MRTFA: variants seen among roughly 807,000 people sequenced by gnomAD.
MRTFA encodes the protein myocardin-related transcription factor A.
In MRTFA, 20 loss-of-function variants were observed where a neutral mutation model predicts 83.5. The observed-to-expected ratio is 0.24, with a 90% CI of 0.17 to 0.35. MRTFA has a LOEUF of 0.35. Among genes scored for constraint, MRTFA ranks in the 10% least tolerant of loss-of-function variants. The pLI, the probability that MRTFA is intolerant of heterozygous loss-of-function variation, is 1.00. For synonymous variants in MRTFA, 659 were observed against 541.2 expected (o/e 1.22, Z -3.02); for missense variants, 1,200 against 1,224.7 (o/e 0.98, Z 0.30).
chr22:40,411,771 TGGA>T lies in MRTFA; in HGVS notation c.2712_2714del (p.Pro905del). 4 of 1,534,828 alleles carry T rather than the reference TGGA, an allele frequency of 2.6e-6. No individual in the cohort carries two copies. The highest frequency in any genetic ancestry group is 2.7e-5 in the African/African-American group (2 of 73,050). On this transcript the variant is annotated inframe_deletion, in exon 15 of 15. Coordinates refer to ENST00000355630, the MANE Select transcript of MRTFA (RefSeq NM_020831.6). Reference sequence around the variant, plus strand: ...GGCGTCCAGGGAGGGAGGGTGAGCCTGGAGGAGGTGGGGCAGCCTGGGGGAGCT... The same window carrying T: ...GGCGTCCAGGGAGGGAGGGTGAGCCTGGAGGTGGGGCAGCCTGGGGGAGCT...
chr22:40,551,571 T>A (rs1207124397), intron 3 of MRTFA, among the ~76,000 whole-genome samples: 3 of 151,982 alleles, frequency 2.0e-5, no homozygotes, highest in Non-Finnish European at 1.5e-5. Flanking sequence ...TTTCACCATG[T>A]TGGCCAGGCT....
At chr22:40,628,842 G>T (rs73169087) in intron 1 of MRTFA, among the ~76,000 whole-genome samples, 12,353 of 152,056 alleles carry the variant, frequency 0.081, 725 homozygotes, top group East Asian at 0.25. Flanking sequence ...GAGAGAACTG[G>T]ACTTGAGTCA....
At chr22:40,560,275 A>C (rs1004277002) in intron 2 of MRTFA, among the ~76,000 whole-genome samples, 4 of 152,240 alleles carry the variant, frequency 2.6e-5, no homozygotes, top group African/African-American at 9.6e-5. Flanking sequence ...ATTTTTTAAA[A>C]AATAAGATTC....
rs539638742 is a variant in MRTFA at position 40,587,355 on chromosome 22, C to T, written c.-22+7319G>A. 3 of 412,872 alleles carry T rather than the reference C, an allele frequency of 7.3e-6. No homozygotes were observed. In the East Asian group the frequency reaches 2.0e-4, roughly 28 times the overall value. The allele number at this position is 412,872 out of a possible 1,614,324, so 25.6% of individuals were successfully genotyped here. ...ATAATTCTAGGAATGTTTCGGAAGG[C>T]TTTGACAATACAATCATCTTCATTA... On this transcript the variant is annotated intron_variant, in intron 2 of 14. Coordinates refer to ENST00000355630, the MANE Select transcript of MRTFA (RefSeq NM_020831.6).
intron 1 of MRTFA, among the ~76,000 whole-genome samples, chr22:40,608,529 A>G (rs1216480206): frequency 1.3e-5 from 2 of 152,206 alleles, no homozygotes; most frequent in Non-Finnish European, 2.9e-5. Context: ...ATGTGACCTC[A>G]TTTAATCCCA....
rs577060827 is a variant in MRTFA at position 40,481,985 on chromosome 22, G to A, written c.242-18699C>T. 6.5e-4 allele frequency among the ~76,000 whole-genome samples: 99 copies of A among 151,780 alleles called. 2 individuals are homozygous for A. Among genetic ancestry groups the A allele is most frequent in the Admixed American group, 6.2e-3 (95 of 15,248 alleles). ...TGAGGCAGGAGAGTCGCTGGAACCC[G>A]GGAGGCAGAGCGTGCAGTGAGCCGA... On this transcript the variant is annotated intron_variant, in intron 3 of 14. Transcript: ENST00000355630.
chr22:40,518,933 A>T (rs1182365764), intron 3 of MRTFA, among the ~76,000 whole-genome samples: 6 of 150,618 alleles, frequency 4.0e-5, no homozygotes, highest in Admixed American at 6.6e-5. Flanking sequence ...AGAATTCGAT[A>T]TTCTAGACAT....
At chr22:40,610,933 T>A (rs1385259663) in intron 1 of MRTFA, among the ~76,000 whole-genome samples, 6 of 122,994 alleles carry the variant, frequency 4.9e-5, no homozygotes, top group Non-Finnish European at 1.0e-4. Context: ...TTTCTTTTAC[T>A]TTTTTTTTTT....
chr22:40,510,839 G>C (rs1256504738), intron 3 of MRTFA, among the ~76,000 whole-genome samples: 1 of 152,082 alleles, frequency 6.6e-6, no homozygotes, highest in Non-Finnish European at 1.5e-5. Context: ...GAGGCCAGAA[G>C]GCTGGCAAGC....
intron 1 of MRTFA, among the ~76,000 whole-genome samples, chr22:40,610,932 C>CA (rs2056380076): frequency 9.2e-6 from 1 of 108,338 alleles, no homozygotes; most frequent in African/African-American, 3.5e-5. Context: ...TTTTCTTTTA[C>CA]TTTTTTTTTT....
intron 3 of MRTFA, among the ~76,000 whole-genome samples, chr22:40,545,053 G>A (rs893009267): frequency 7.3e-5 from 11 of 150,774 alleles, no homozygotes; most frequent in East Asian, 3.9e-4. Flanking sequence ...AAAATAACTG[G>A]TATATATAAT....
intron 2 of MRTFA, among the ~76,000 whole-genome samples, chr22:40,590,745 G>A (rs2147376598): frequency 6.6e-6 from 1 of 150,950 alleles, no homozygotes; most frequent in Non-Finnish European, 1.5e-5. Context: ...CTGAGTATCT[G>A]AATACTTATG....
At chr22:40,516,128 A>C (rs566832844) in intron 3 of MRTFA, among the ~76,000 whole-genome samples, 1 of 152,214 alleles carries the variant, frequency 6.6e-6, no homozygotes, top group East Asian at 1.9e-4. Context: ...GCTGTTAAGA[A>C]GTTTCTGGGC....
At chr22:40,584,072 T>C (rs2147364739) in intron 2 of MRTFA, among the ~76,000 whole-genome samples, 1 of 150,494 alleles carries the variant, frequency 6.6e-6, no homozygotes, top group South Asian at 2.1e-4. Flanking sequence ...TAAAATTTAC[T>C]GTCCTTCTTC....
chr22:40,410,793 ATATATG>A lies in MRTFA; in HGVS notation c.*591_*596del. On this transcript the variant is annotated 3_prime_UTR_variant, in exon 15 of 15. Transcript: ENST00000355630. ...CTCCTGTCCGCCCCCCCCCAAAAAT[ATATATG>A]TATGTCGATATATAATATAGAGGTA... 4.3e-6 allele frequency: 1 copy of A among 232,518 alleles called. No homozygotes were observed. The highest frequency in any genetic ancestry group is 8.5e-6 in the Non-Finnish European group (1 of 117,760). 14.4% of individuals were successfully genotyped at this position (232,518 alleles called of 1,614,324 possible).
Position 40,419,014 on chromosome 22 carries a change from G to C in MRTFA, c.1724C>G (p.Thr575Ser). Residue 575 changes from threonine (T) to serine (S), a missense_variant, in exon 12 of 15, where the codon ACC becomes AGC. Thr to Ser is a moderately conservative substitution (Grantham distance 58, BLOSUM62 1). Coordinates refer to ENST00000355630, the MANE Select transcript of MRTFA (RefSeq NM_020831.6). ...AGGTGATGTCACCATCTCACCAAAG[G>C]TGTCCCCGGGGGTGGAGTTTTCATC... is the stretch of plus-strand genomic sequence containing the variant. 2 of 1,612,776 alleles carry C rather than the reference G, an allele frequency of 1.2e-6. No individual in the cohort carries two copies. Among genetic ancestry groups the C allele is most frequent in the Non-Finnish European group, 8.5e-7 (1 of 1,179,904 alleles).
At chr22:40,512,510 G>A (rs546584001) in intron 3 of MRTFA, among the ~76,000 whole-genome samples, 120 of 152,308 alleles carry the variant, frequency 7.9e-4, no homozygotes, top group African/African-American at 2.8e-3. Flanking sequence ...TAAGCTAAAG[G>A]GATTCCTCAA....
intron 4 of MRTFA, among the ~76,000 whole-genome samples, chr22:40,445,074 T>C (rs991973899): frequency 5.9e-5 from 9 of 152,018 alleles, no homozygotes; most frequent in African/African-American, 2.2e-4. Context: ...CTCAAATAAA[T>C]AAATAAAAAT....
chr22:40,472,364 G>C (rs988515733), intron 3 of MRTFA, among the ~76,000 whole-genome samples: 1 of 152,274 alleles, frequency 6.6e-6, no homozygotes, highest in East Asian at 1.9e-4. Flanking sequence ...ATAGATCATG[G>C]CAAGTAAATA....
Sources: allele counts gnomAD v4.1 joint callset (sites outside exome capture counted in the v4.1 genomes callset), GRCh38; gene constraint gnomAD v4.1.1; transcripts MANE v1.5; gene names NCBI Gene and HGNC (gene_info 2026-07-23, HGNC 2026-07-21).